The following GM2A variants were observed in gnomAD, a reference collection of about 807,000 sequenced individuals.
GM2A encodes GM2 ganglioside activator.
A neutral mutation model predicts 12.9 loss-of-function variants in GM2A; 7 were observed. The observed-to-expected ratio is 0.54, with a 90% confidence interval of 0.31 to 1.02. GM2A has a LOEUF of 1.02. GM2A is among the 50% of genes least tolerant of loss of function. The probability of loss-of-function intolerance (pLI) is 0.05; values close to 1 mark genes in which losing one functional copy is unlikely to be tolerated. For missense variants in GM2A, 246 were observed against 241.0 expected, an observed-to-expected ratio of 1.02 and a Z score of -0.14; for synonymous variants, 101 against 96.0, an observed-to-expected ratio of 1.05 and a Z score of -0.30.
Position 151,270,085 on chromosome 5 carries a change from A to T in GM2A, c.*2634A>T. The T allele has an allele frequency of 4.9e-6, 6 of 1,231,048 alleles. No homozygotes were observed. Among genetic ancestry groups the T allele is most frequent in the Non-Finnish European group, 6.1e-6 (6 of 987,910 alleles). The allele number at this position is 1,231,048 out of a possible 1,614,324, so 76.3% of individuals were successfully genotyped here. ...TTTATGTCTGCTCTGCTCTTGGGTC[A>T]TATGTTCCGTGAGGTTTCTTAGGGG... On this transcript the variant is annotated 3_prime_UTR_variant, in exon 4 of 4. Transcript: ENST00000357164.
intron 2 of GM2A, among the ~76,000 whole-genome samples, chr5:151,264,030 A>G (rs1348660349): frequency 2.0e-5 from 3 of 152,124 alleles, no homozygotes; most frequent in Non-Finnish European, 4.4e-5. Context: ...TGGCATAGTT[A>G]ATAACTCCCA....
chr5:151,254,493 G>A (rs757184876), intron 1 of GM2A, among the ~76,000 whole-genome samples: 38 of 152,188 alleles, frequency 2.5e-4, no homozygotes, highest in Non-Finnish European at 4.0e-4. Context: ...GACTGCAGGT[G>A]TGGGCCACCA....
intron 1 of GM2A, among the ~76,000 whole-genome samples, chr5:151,254,112 T>C (rs1753640632): frequency 6.6e-6 from 1 of 152,222 alleles, no homozygotes; most frequent in South Asian, 2.1e-4. Flanking sequence ...AATTTCTTCA[T>C]CAAGTGTCTG....
rs1753969457 is a variant in GM2A at position 151,269,674 on chromosome 5, A to C, written c.*2223A>C. 5.8e-6 allele frequency: 1 copy of C among 171,750 alleles called. No individual in the cohort carries two copies. The highest frequency in any genetic ancestry group is 1.2e-5 in the Non-Finnish European group (1 of 85,864). The allele number at this position is 171,750 out of a possible 1,614,324, so 10.6% of individuals were successfully genotyped here. On this transcript the variant is annotated 3_prime_UTR_variant, in exon 4 of 4. Transcript: ENST00000357164. ...TCTGGTTCCAGATTTCTTTTCCCCG[A>C]AAAAAACCTTAGAAGTAACTAAAAT...
intron 1 of GM2A, among the ~76,000 whole-genome samples, chr5:151,256,135 G>A (rs908579689): frequency 1.3e-5 from 2 of 152,020 alleles, no homozygotes; most frequent in African/African-American, 4.8e-5. Flanking sequence ...GGCTGTGATG[G>A]GTGTTAGATA....
At chr5:151,257,469 A>G (rs1020000363) in intron 1 of GM2A, among the ~76,000 whole-genome samples, 1 of 151,996 alleles carries the variant, frequency 6.6e-6, no homozygotes, top group African/African-American at 2.4e-5. Flanking sequence ...CTTAGAATCT[A>G]TGAAAACAGC....
At position 151,269,315 on chromosome 5, in the gene GM2A, C is replaced by A. The variant is rs371212055; in HGVS notation, c.*1864C>A. 1.4e-5 allele frequency: 14 copies of A among 985,472 alleles called. No homozygotes were observed. The East Asian group carries it at 4.5e-4, about 32-fold the overall frequency. 61.0% of individuals were successfully genotyped at this position (985,472 alleles called of 1,614,324 possible). ...TTTCAAAAGCATTTTTGGGGTGGGGCTCTTTTGGTTGGAAGGGTTTGTTGG... is the reference window on the plus strand; with the variant it reads ...TTTCAAAAGCATTTTTGGGGTGGGGATCTTTTGGTTGGAAGGGTTTGTTGG... On this transcript the variant is annotated 3_prime_UTR_variant, in exon 4 of 4. Transcript: ENST00000357164.
At chr5:151,261,276 C>T (rs555497201) in intron 2 of GM2A, among the ~76,000 whole-genome samples, 3 of 152,334 alleles carry the variant, frequency 2.0e-5, no homozygotes, top group Non-Finnish European at 2.9e-5. Flanking sequence ...CCTCCTGCCT[C>T]AGACTCTCAA....
Position 151,270,308 on chromosome 5 carries a change from C to T in GM2A, c.*2857C>T, listed in dbSNP as rs1007328969. 4 of 403,220 alleles carry T rather than the reference C, an allele frequency of 9.9e-6. No individual in the cohort carries two copies. The highest frequency in any genetic ancestry group is 2.1e-5 in the African/African-American group (1 of 48,648). The allele number at this position is 403,220 out of a possible 1,614,324, so 25.0% of individuals were successfully genotyped here. On this transcript the variant is annotated 3_prime_UTR_variant, in exon 4 of 4. Transcript: ENST00000357164. ...GAAGCCATATAAATACAGAAGGAAA[C>T]GTGGTGGAAATATCCAGTGGCAACA...
intron 1 of GM2A, among the ~76,000 whole-genome samples, chr5:151,257,964 G>A (rs371782280): frequency 1.2e-4 from 18 of 152,324 alleles, no homozygotes; most frequent in African/African-American, 3.4e-4. Flanking sequence ...TGCATTAGAC[G>A]GTAAGCTCCT....
chr5:151,269,673 GA>G lies in GM2A; in HGVS notation c.*2229del, dbSNP rs1374747740. 3 of 171,720 alleles carry G rather than the reference GA, an allele frequency of 1.7e-5. No homozygotes were observed. The highest frequency in any genetic ancestry group is 3.5e-5 in the Non-Finnish European group (3 of 85,958). The allele number at this position is 171,720 out of a possible 1,614,324, so 10.6% of individuals were successfully genotyped here. A position where few individuals can be genotyped will look rare whatever the true frequency, so the allele number is the denominator to read the frequency against. On this transcript the variant is annotated 3_prime_UTR_variant, in exon 4 of 4. Transcript: ENST00000357164. ...ATCTGGTTCCAGATTTCTTTTCCCC[GA>G]AAAAAACCTTAGAAGTAACTAAAAT...
At chr5:151,260,845 T>G (rs1375174010) in intron 2 of GM2A, among the ~76,000 whole-genome samples, 3 of 152,240 alleles carry the variant, frequency 2.0e-5, no homozygotes, top group Non-Finnish European at 4.4e-5. Context: ...GCTCTTTATA[T>G]ATCCCATCAG....
chr5:151,266,902 C>T lies in GM2A; in HGVS notation c.415C>T (p.Pro139Ser), dbSNP rs767374072. The T allele has an allele frequency of 1.9e-6, 3 of 1,613,114 alleles. No individual in the cohort carries two copies. Among genetic ancestry groups the T allele is most frequent in the Admixed American group, 1.7e-5 (1 of 60,010 alleles). ...LRTYGLPCHC[P>S]FKEGTYSLPK... ...TACCTATGGGCTTCCTTGCCACTGT[C>T]CCTTCAAAGAAGTAAGTACTTAGGG... The change falls in exon 3 of 4, where the codon CCC becomes TCC. Residue 139 changes from proline (P) to serine (S), a missense_variant. Physicochemically the swap from Pro to Ser is moderately conservative, Grantham distance 74. Transcript: ENST00000357164.
At chr5:151,265,804 A>G (rs1242122408) in intron 2 of GM2A, among the ~76,000 whole-genome samples, 2 of 152,214 alleles carry the variant, frequency 1.3e-5, no homozygotes, top group East Asian at 3.8e-4. Flanking sequence ...TCCAGGCACA[A>G]GAGTCTTTTG....
At chr5:151,267,166 C>T (rs755499614) in intron 3 of GM2A, 130 bp from the exon 4 acceptor site, 23 of 1,196,716 alleles carry the variant, frequency 1.9e-5, no homozygotes, top group South Asian at 3.9e-5. Context: ...GGCCGTCTCT[C>T]ATCTTGTGCG....
At position 151,269,791 on chromosome 5, in the gene GM2A, C is replaced by T. The variant is rs1358912951; in HGVS notation, c.*2340C>T. On this transcript the variant is annotated 3_prime_UTR_variant, in exon 4 of 4. Transcript: ENST00000357164. ...TAAATATCCCTAAGGAAAAATCCAC[C>T]GTGGTACATTCAGTCCTCTCACCGA... 4 of 185,382 alleles carry T rather than the reference C, an allele frequency of 2.2e-5. No individual in the cohort carries two copies. The highest frequency in any genetic ancestry group is 3.1e-5 in the Non-Finnish European group (3 of 96,172). The allele number at this position is 185,382 out of a possible 1,614,324, so 11.5% of individuals were successfully genotyped here.
chr5:151,253,424 C>T lies in GM2A; in HGVS notation c.81+127C>T, dbSNP rs149060062. ...ATTGGTTCTCTGCACTAGAGCCTTC[C>T]AAAGTAACTAATTATGGGATTCTGG... On this transcript the variant is annotated intron_variant, in intron 1 of 3. Transcript: ENST00000357164. The T allele has an allele frequency of 6.4e-4, 461 of 720,364 alleles. 2 individuals carry two copies. The highest frequency in any genetic ancestry group is 6.4e-3 in the African/African-American group (367 of 57,498). 44.6% of individuals were successfully genotyped at this position (720,364 alleles called of 1,614,324 possible).
At position 151,259,854 on chromosome 5, in the gene GM2A, C is replaced by A; in HGVS notation, c.181C>A (p.Pro61Thr). The A allele has an allele frequency of 6.2e-7, 1 of 1,613,560 alleles. No homozygotes were observed. Among genetic ancestry groups the A allele is most frequent in the Non-Finnish European group, 8.5e-7 (1 of 1,179,488 alleles). Residue 61 changes from proline to threonine, a missense_variant, in exon 2 of 4, where the codon CCT becomes ACT. By Grantham distance (38) the Pro-to-Thr change is conservative. Coordinates refer to ENST00000357164, the MANE Select transcript of GM2A (RefSeq NM_000405.5). ...TCTGGAGCCTGACCCCATCATCGTT[C>A]CTGGAAATGTGACCCTCAGTGTCAT... ...LTLEPDPIIV[P>T]GNVTLSVMGS... is the part of the protein sequence containing the mutation.
At chr5:151,260,301 TA>T (rs574513338) in intron 2 of GM2A, among the ~76,000 whole-genome samples, 275 of 152,292 alleles carry the variant, frequency 1.8e-3, no homozygotes, top group Non-Finnish European at 2.8e-3. Flanking sequence ...ATAGTCACTT[TA>T]GAAAACACAA....
Sources: allele counts gnomAD v4.1 joint callset (sites outside exome capture counted in the v4.1 genomes callset), GRCh38; gene constraint gnomAD v4.1.1; transcripts MANE v1.5; gene names NCBI Gene and HGNC (gene_info 2026-07-23, HGNC 2026-07-21).